The following GLI2 variants were observed in gnomAD, a reference collection of about 807,000 sequenced individuals.
The protein encoded by GLI2 is GLI family zinc finger 2.
In GLI2, 22 loss-of-function variants were observed where a neutral mutation model predicts 78.9. That is an observed-to-expected ratio of 0.28 (90% CI 0.20 to 0.40). GLI2 has a LOEUF of 0.40. Among genes scored for constraint, GLI2 ranks in the 10% least tolerant of loss-of-function variants. The probability of loss-of-function intolerance (pLI) is 1.00; values close to 1 mark genes in which losing one functional copy is unlikely to be tolerated. For synonymous variants in GLI2, 974 were observed against 963.7 expected (o/e 1.01, Z -0.20); for missense variants, 2,097 against 2,213.2 (o/e 0.95, Z 1.05).
chr2:120,920,484 G>A (rs1270879129), intron 2 of GLI2, among the ~76,000 whole-genome samples: 1 of 152,180 alleles, frequency 6.6e-6, no homozygotes. Flanking sequence ...TCCGGGGAAG[G>A]GCTGTCCTTG....
In GLI2 at chr2:120,982,755, C is replaced by T; in HGVS notation, c.1507C>T (p.Leu503=). 1 of 1,614,062 alleles carries T rather than the reference C, an allele frequency of 6.2e-7. No homozygotes were observed. Among genetic ancestry groups the T allele is most frequent in the Non-Finnish European group, 8.5e-7 (1 of 1,179,940 alleles). The change falls in exon 11 of 14, where the codon CTG becomes TTG. Residue 503 remains leucine (L), a synonymous_variant. Coordinates refer to ENST00000361492, the MANE Select transcript of GLI2 (RefSeq NM_001374353.1). The part of the protein sequence containing the change: ...CSKAYSRLEN[L]KTHLRSHTGE... ...GAAGGCCTACTCCCGCCTGGAGAACCTGAAGACACACCTGCGGTCCCACAC... is the reference window on the plus strand; with the variant it reads ...GAAGGCCTACTCCCGCCTGGAGAACTTGAAGACACACCTGCGGTCCCACAC...
At chr2:120,783,312 A>T (rs886205525) in intron 1 of GLI2, among the ~76,000 whole-genome samples, 1 of 152,042 alleles carries the variant, frequency 6.6e-6, no homozygotes, top group Non-Finnish European at 1.5e-5. Flanking sequence ...GACATCCTTG[A>T]GTATCTTTCC....
In GLI2 at chr2:120,849,059, G is replaced by A. The variant is rs368186705; in HGVS notation, c.148+51591G>A. ...ACATGGATGAACCCCAAGGATATGC[G>A]CTAAGTGAAACAAGCCAGACACTAG... On this transcript the variant is annotated intron_variant, in intron 2 of 13. Coordinates refer to ENST00000361492, the MANE Select transcript of GLI2 (RefSeq NM_001374353.1). 2.3e-4 allele frequency among the ~76,000 whole-genome samples: 35 copies of A among 152,252 alleles called. No individual in the cohort carries two copies. In the South Asian group the frequency reaches 2.7e-3, roughly 12 times the overall value.
At chr2:120,888,798 C>T (rs1558859933) in intron 2 of GLI2, among the ~76,000 whole-genome samples, 1 of 152,208 alleles carries the variant, frequency 6.6e-6, no homozygotes, top group Non-Finnish European at 1.5e-5. Flanking sequence ...TGGGTCAGGA[C>T]TCATGGTCAG....
chr2:120,884,913 A>G (rs915672681), intron 2 of GLI2, among the ~76,000 whole-genome samples: 1 of 151,968 alleles, frequency 6.6e-6, no homozygotes, highest in African/African-American at 2.4e-5. Flanking sequence ...CCCACCTCCT[A>G]CCATTGCTGC....
At chr2:120,898,447 G>C (rs1056041370) in intron 2 of GLI2, among the ~76,000 whole-genome samples, 8 of 152,186 alleles carry the variant, frequency 5.3e-5, no homozygotes, top group Admixed American at 2.0e-4. Context: ...TGCATGCCTG[G>C]ATTCGCACTG....
At chr2:120,976,376 G>T (rs1002066465) in intron 9 of GLI2, among the ~76,000 whole-genome samples, 1 of 152,232 alleles carries the variant, frequency 6.6e-6, no homozygotes, top group African/African-American at 2.4e-5. Flanking sequence ...CCCAAACACA[G>T]TTCTCACCCA....
At position 120,989,728 on chromosome 2, in the gene GLI2, A is replaced by G. The variant is rs1237511260; in HGVS notation, c.3763A>G (p.Asn1255Asp). The change falls in exon 14 of 14, where the codon AAC (asparagine) becomes GAC (aspartate). Residue 1255 changes from asparagine to aspartate, a missense_variant. This residue lies in a region of GLI2 where 1,290 missense variants were observed against 1,261.7 expected (regional missense o/e 1.02). Coordinates refer to ENST00000361492, the MANE Select transcript of GLI2 (RefSeq NM_001374353.1). ...CAACCAGTTCCCCCAATCCTGCAGC[A>G]ACATGCCAGCCAAGCCAGGGCATCT... is the stretch of plus-strand genomic sequence containing the variant. ...ALNQFPQSCS[N>D]MPAKPGHLGH... is the part of the protein sequence containing the mutation. 1 of 1,613,074 alleles carries G rather than the reference A, an allele frequency of 6.2e-7. No homozygotes were observed. Among genetic ancestry groups the G allele is most frequent in the South Asian group, 1.1e-5 (1 of 91,060 alleles).
intron 2 of GLI2, among the ~76,000 whole-genome samples, chr2:120,811,362 C>G (rs1259445066): frequency 6.6e-6 from 1 of 152,198 alleles, no homozygotes; most frequent in African/African-American, 2.4e-5. Context: ...TGCTGTCCCC[C>G]TCCCCTACTT....
intron 1 of GLI2, among the ~76,000 whole-genome samples, chr2:120,748,064 A>G (rs991576939): frequency 2.0e-5 from 3 of 152,162 alleles, no homozygotes; most frequent in East Asian, 3.9e-4. Context: ...AGGTTTCTCA[A>G]ATGTGCGTAT....
At chr2:120,842,685 G>A (rs1448384292) in intron 2 of GLI2, among the ~76,000 whole-genome samples, 5 of 152,190 alleles carry the variant, frequency 3.3e-5, no homozygotes. Context: ...CCTGGCCTCT[G>A]AGCTTCCTAA....
intron 2 of GLI2, among the ~76,000 whole-genome samples, chr2:120,856,573 G>A (rs1355289121): frequency 1.3e-5 from 2 of 152,132 alleles, no homozygotes; most frequent in African/African-American, 4.8e-5. Context: ...ACCTGGCTTT[G>A]ACCTGGGACC....
At chr2:120,901,560 G>C (rs2104782865) in intron 2 of GLI2, among the ~76,000 whole-genome samples, 1 of 152,264 alleles carries the variant, frequency 6.6e-6, no homozygotes, top group South Asian at 2.1e-4. Flanking sequence ...ACAGGTCCAG[G>C]GGTCTTCATA....
Position 120,964,622 on chromosome 2 carries a change from G to A in GLI2, c.644-4092G>A, listed in dbSNP as rs556247908. On this transcript the variant is annotated intron_variant, in intron 5 of 13. Transcript: ENST00000361492. ...CCCGGGTCTCCCGCTTTGCCACTGC[G>A]CAAGTAGCAGGCACGTGCTGTAGGA... 5.3e-5 allele frequency among the ~76,000 whole-genome samples: 8 copies of A among 152,336 alleles called. No individual in the cohort carries two copies. The South Asian group carries it at 1.4e-3, about 28-fold the overall frequency.
At chr2:120,857,338 C>G (rs930451378) in intron 2 of GLI2, among the ~76,000 whole-genome samples, 1 of 127,460 alleles carries the variant, frequency 7.8e-6, no homozygotes, top group Non-Finnish European at 1.6e-5. Flanking sequence ...CCCACCTACC[C>G]ATCTGCCCAC....
rs1285117615 is a variant in GLI2, at chr2:120,951,342, C to A, written c.354C>A (p.Pro118=). The A allele has an allele frequency of 6.3e-7, 1 of 1,584,224 alleles. No homozygotes were observed. The highest frequency in any genetic ancestry group is 8.7e-7 in the Non-Finnish European group (1 of 1,152,888). The change falls in exon 4 of 14, where the codon CCC becomes CCA. Residue 118 remains proline (P), a synonymous_variant. Transcript: ENST00000361492. ...CTGGGGAGTCCCCCTTCAACGCCCC[C>A]CACCCGTACGTGAACCCCCACATGG... The part of the protein sequence containing the change: ...AGPGESPFNA[P]HPYVNPHMEH...
At chr2:120,872,717 A>G (rs528853870) in intron 2 of GLI2, among the ~76,000 whole-genome samples, 1 of 152,342 alleles carries the variant, frequency 6.6e-6, no homozygotes, top group South Asian at 2.1e-4. Flanking sequence ...ACTTTGCTGT[A>G]ACCTCAGTGT....
intron 2 of GLI2, among the ~76,000 whole-genome samples, chr2:120,898,878 C>A (rs1002978826): frequency 3.3e-5 from 5 of 152,188 alleles, no homozygotes. Flanking sequence ...AGTTATGGAA[C>A]AAATCTGTAC....
chr2:120,746,073 A>G (rs1443777423), intron 1 of GLI2, among the ~76,000 whole-genome samples: 3 of 152,112 alleles, frequency 2.0e-5, no homozygotes, highest in Non-Finnish European at 4.4e-5. Flanking sequence ...CATCTGTTTT[A>G]CCAAGAGCAG....
Sources: allele counts gnomAD v4.1 joint callset (sites outside exome capture counted in the v4.1 genomes callset), GRCh38; gene constraint gnomAD v4.1.1; regional missense constraint gnomAD v4.1.1; transcripts MANE v1.5; gene names NCBI Gene and HGNC (gene_info 2026-07-23, HGNC 2026-07-21).